UNG: variants seen among roughly 807,000 people sequenced by gnomAD.
The protein encoded by UNG is uracil-DNA glycosylase.
In UNG, 34 loss-of-function variants were observed where a neutral mutation model predicts 36.5. The observed-to-expected ratio is 0.93, with a 90% confidence interval of 0.71 to 1.24. The LOEUF (loss-of-function observed/expected upper bound fraction) is 1.24, where lower values mean the gene tolerates loss of function less well. Among genes scored for constraint, UNG ranks in the 50% most tolerant of loss-of-function variants. The pLI is 0.00. For synonymous variants in UNG, 172 were observed against 157.8 expected (o/e 1.09, Z -0.67); for missense variants, 391 against 397.6 (o/e 0.98, Z 0.14).
chr12:109,098,596 G>C lies in UNG; in HGVS notation c.297G>C (p.Lys99Asn). Residue 99 changes from lysine (K) to asparagine (N), a missense_variant, in exon 2 of 7, where the codon AAG (lysine) becomes AAC (asparagine). Coordinates refer to ENST00000242576, the MANE Select transcript of UNG (RefSeq NM_080911.3). ...CCGTGGGCTTTGGAGAGAGCTGGAA[G>C]AAGCACCTCAGCGGGGAGTTCGGGA... ...NVPVGFGESW[K>N]KHLSGEFGKP... 1 of 1,613,588 alleles carries C rather than the reference G, an allele frequency of 6.2e-7. No individual in the cohort carries two copies.
chr12:109,103,344 T>C (rs1050809646), intron 5 of UNG, 89 bp from the exon 6 acceptor site: 7 of 1,242,660 alleles, frequency 5.6e-6, no homozygotes, highest in Non-Finnish European at 8.2e-6. Context: ...CCATCAAGCA[T>C]TGGTTTCATC....
Position 109,110,051 on chromosome 12 carries a change from A to G in UNG, c.*82A>G. On this transcript the variant is annotated 3_prime_UTR_variant, in exon 7 of 7. Coordinates refer to ENST00000242576, the MANE Select transcript of UNG (RefSeq NM_080911.3). The stretch of plus-strand genomic sequence containing the variant: ...AAGTTCCACTGAAAATTTTCCTATT[A>G]ATTCTTAAGTACTCTGCATAAGGGG... 1 of 1,595,298 alleles carries G rather than the reference A, an allele frequency of 6.3e-7. No individual in the cohort carries two copies. The highest frequency in any genetic ancestry group is 8.6e-7 in the Non-Finnish European group (1 of 1,167,976).
Position 109,098,585 on chromosome 12 carries a change from G to A in UNG, c.286G>A (p.Glu96Lys), listed in dbSNP as rs2042152520. The part of the protein sequence containing the change: ...AARNVPVGFG[E>K]SWKKHLSGEF... Reference sequence around the variant, plus strand: ...CCGCAACGTGCCCGTGGGCTTTGGAGAGAGCTGGAAGAAGCACCTCAGCGG... The same window carrying A: ...CCGCAACGTGCCCGTGGGCTTTGGAAAGAGCTGGAAGAAGCACCTCAGCGG... The change falls in exon 2 of 7, where the codon GAG becomes AAG. Residue 96 changes from glutamate (E) to lysine (K), a missense_variant. Transcript: ENST00000242576. 3 of 1,613,422 alleles carry A rather than the reference G, an allele frequency of 1.9e-6. No individual in the cohort carries two copies. The South Asian group carries it at 3.3e-5, about 18-fold the overall frequency.
At position 109,099,115 on chromosome 12, in the gene UNG, T is replaced by G. The variant is rs541310603; in HGVS notation, c.340-74T>G. On this transcript the variant is annotated intron_variant, in intron 2 of 6. Coordinates refer to ENST00000242576, the MANE Select transcript of UNG (RefSeq NM_080911.3). ...TAATGATGTTCCAAATAACTTGCACTAGAAGCTTTCTTATTGAATTCTTAT... is the reference window on the plus strand; with the variant it reads ...TAATGATGTTCCAAATAACTTGCACGAGAAGCTTTCTTATTGAATTCTTAT... 1,897 of 1,392,348 alleles carry G rather than the reference T, an allele frequency of 1.4e-3. 1 individual carries two copies. Among genetic ancestry groups the G allele is most frequent in the Non-Finnish European group, 1.8e-3 (1,770 of 984,106 alleles). 86.2% of individuals were successfully genotyped at this position (1,392,348 alleles called of 1,614,324 possible).
Position 109,101,890 on chromosome 12 carries a change from G to C in UNG, c.436-12G>C. The C allele has an allele frequency of 6.2e-7, 1 of 1,612,130 alleles. No homozygotes were observed. Among genetic ancestry groups the C allele is most frequent in the Non-Finnish European group, 8.5e-7 (1 of 1,178,380 alleles). ...CAGTATTGTTTAATTCCTGACCCCTGGTGGTTCACAGGTGAAGGTTGTCAT... is the reference window on the plus strand; with the variant it reads ...CAGTATTGTTTAATTCCTGACCCCTCGTGGTTCACAGGTGAAGGTTGTCAT... On this transcript the variant is annotated splice_polypyrimidine_tract_variant and intron_variant, in intron 3 of 6. Coordinates refer to ENST00000242576, the MANE Select transcript of UNG (RefSeq NM_080911.3).
intron 6 of UNG, among the ~76,000 whole-genome samples, chr12:109,107,385 G>T (rs2042225579): frequency 6.6e-6 from 1 of 151,244 alleles, no homozygotes; most frequent in Non-Finnish European, 1.5e-5. Context: ...ATTTTTTTTT[G>T]TGGAGACAGG....
chr12:109,101,809 T>A, intron 3 of UNG, 93 bp from the exon 4 acceptor site: 2 of 1,026,468 alleles, frequency 1.9e-6, no homozygotes, highest in South Asian at 2.6e-5. Flanking sequence ...GCCATAGAAG[T>A]GTTTTATTTG....
rs924182368 is a variant in UNG at position 109,099,352 on chromosome 12, A to T, written c.435+68A>T. 4.5e-6 allele frequency: 6 copies of T among 1,345,468 alleles called. No homozygotes were observed. The African/African-American group carries it at 8.7e-5, about 19-fold the overall frequency. The allele number at this position is 1,345,468 out of a possible 1,614,324, so 83.3% of individuals were successfully genotyped here. A position where few individuals can be genotyped will look rare whatever the true frequency, so the allele number is the denominator to read the frequency against. On this transcript the variant is annotated intron_variant, in intron 3 of 6. Transcript: ENST00000242576. ...CAAATAGTATTTTTAAATTAGGGAC[A>T]CTGGAGTTAAGCCACAGTCCATCAT...
intron 3 of UNG, among the ~76,000 whole-genome samples, chr12:109,101,534 G>A (rs1411564438): frequency 2.0e-5 from 3 of 151,874 alleles, no homozygotes; most frequent in South Asian, 2.1e-4. Context: ...AAGGGAGGCC[G>A]TGTGTCTACA....
At chr12:109,097,884 G>T (rs544049038) in intron 1 of UNG, 73 bp downstream of exon 1, 4 of 1,434,910 alleles carry the variant, frequency 2.8e-6, no homozygotes, top group Admixed American at 5.4e-5. Flanking sequence ...GACGGAGGGC[G>T]TGCAGGATCG....
chr12:109,101,865 C>T, intron 3 of UNG, 37 bp from the exon 4 acceptor site: 2 of 1,558,126 alleles, frequency 1.3e-6, no homozygotes, highest in Non-Finnish European at 1.8e-6. Flanking sequence ...GCTTACATTA[C>T]AGTATTGTTT....
intron 4 of UNG, 87 bp from the exon 5 acceptor site, chr12:109,102,752 C>T (rs986389540): frequency 3.0e-5 from 34 of 1,124,730 alleles, no homozygotes; most frequent in Admixed American, 1.7e-4. Context: ...TAACTTCTAA[C>T]CTTTTCACAT....
In UNG at chr12:109,098,027, C is replaced by G. The variant is rs2042144811; in HGVS notation, c.132+216C>G. 2.3e-6 allele frequency: 3 copies of G among 1,325,590 alleles called. No individual in the cohort carries two copies. The African/African-American group carries it at 4.5e-5, about 20-fold the overall frequency. The allele number at this position is 1,325,590 out of a possible 1,614,324, so 82.1% of individuals were successfully genotyped here. A position where few individuals can be genotyped will look rare whatever the true frequency, so the allele number is the denominator to read the frequency against. Reference sequence around the variant, plus strand: ...GGAACGCGTCTCGGGGCCCATGGCGCCAATCCGCGCGCCGCAGGCCCTCCT... The same window carrying G: ...GGAACGCGTCTCGGGGCCCATGGCGGCAATCCGCGCGCCGCAGGCCCTCCT... On this transcript the variant is annotated intron_variant, in intron 1 of 6. Transcript: ENST00000242576.
intron 1 of UNG, chr12:109,098,194 G>A: frequency 7.0e-7 from 1 of 1,427,070 alleles, no homozygotes; most frequent in East Asian, 2.5e-5. Context: ...CAGTCACCGC[G>A]ACGCTCCTCG....
chr12:109,107,614 C>G (rs757822953), intron 6 of UNG, among the ~76,000 whole-genome samples: 2 of 151,076 alleles, frequency 1.3e-5, no homozygotes, highest in African/African-American at 4.9e-5. Context: ...CAGCCTCCCC[C>G]TCCTGGGTTC....
In UNG at chr12:109,097,641, T is replaced by C. The variant is rs759301871; in HGVS notation, c.-39T>C. On this transcript the variant is annotated 5_prime_UTR_variant, in exon 1 of 7. Coordinates refer to ENST00000242576, the MANE Select transcript of UNG (RefSeq NM_080911.3). ...CACAGCCAGGGCTAGCCTCGCCGGT[T>C]CCCGGGTGGCGCGCGTTCGCTGCCT... 2.3e-5 allele frequency: 37 copies of C among 1,596,350 alleles called. No individual in the cohort carries two copies. Among genetic ancestry groups the C allele is most frequent in the Middle Eastern group, 3.3e-4 (2 of 6,060 alleles).
intron 6 of UNG, among the ~76,000 whole-genome samples, chr12:109,108,983 T>G (rs2042239311): frequency 6.6e-6 from 1 of 152,172 alleles, no homozygotes; most frequent in Non-Finnish European, 1.5e-5. Flanking sequence ...CATGAGGTAC[T>G]AAACACTTCA....
chr12:109,098,392 GCTGCAGCT>G (rs762349411), intron 1 of UNG, 32 bp from the exon 2 acceptor site: 2 of 1,601,040 alleles, frequency 1.2e-6, no homozygotes, highest in Non-Finnish European at 1.7e-6. Flanking sequence ...GGAAGGGGCC[GCTGCAGCT>G]CTTGAGCCGC....
At chr12:109,109,732 G>C (rs1414269310) in intron 6 of UNG, 97 bp from the exon 7 acceptor site, 12 of 1,478,252 alleles carry the variant, frequency 8.1e-6, no homozygotes, top group South Asian at 5.9e-5. Flanking sequence ...GCAGTGAGTC[G>C]AGATCACGCC....
Sources: gnomAD v4.1 joint callset for allele counts (sites outside exome capture counted in the v4.1 genomes callset) on GRCh38, gnomAD v4.1.1 for gene constraint, MANE v1.5 for transcripts, NCBI Gene and HGNC (gene_info 2026-07-23, HGNC 2026-07-21) for gene names.